The following SGIP1 variants were observed in gnomAD, a reference collection of about 807,000 sequenced individuals.
The protein encoded by SGIP1 is SH3-containing GRB2-like protein 3-interacting protein 1.
Under a neutral mutation model 107.5 loss-of-function variants are expected in SGIP1, and 38 were observed. The observed-to-expected ratio is 0.35, with a 90% CI of 0.27 to 0.46. SGIP1 has a LOEUF of 0.46. SGIP1 is among the 20% of genes least tolerant of loss of function. The pLI is 1.00. For missense variants in SGIP1, 929 were observed against 1,019.5 expected (o/e 0.91, Z 1.21); for synonymous variants, 365 against 366.1 (o/e 1.00, Z 0.03).
intron 1 of SGIP1, among the ~76,000 whole-genome samples, chr1:66,541,282 T>C (rs967053577): frequency 6.6e-6 from 1 of 152,250 alleles, no homozygotes; most frequent in African/African-American, 2.4e-5. Flanking sequence ...TGTCTGCCCA[T>C]GTGGGCATCC....
At chr1:66,547,312 G>T (rs2056587470) in intron 1 of SGIP1, among the ~76,000 whole-genome samples, 1 of 152,010 alleles carries the variant, frequency 6.6e-6, no homozygotes, top group Admixed American at 6.5e-5. Context: ...TTGTTAAACT[G>T]AATAAAAATA....
intron 17 of SGIP1, chr1:66,694,604 A>G: frequency 1.1e-6 from 1 of 887,824 alleles, no homozygotes; most frequent in Non-Finnish European, 1.6e-6. Context: ...CCCTCACCTC[A>G]TGAGTGTCCA....
At position 66,749,948 on chromosome 1, in the gene SGIP1, T is replaced by C. The variant is rs2094601466; in HGVS notation, c.*6853T>C. Among the ~76,000 whole-genome samples the C allele has an allele frequency of 6.6e-6, 1 of 152,174 alleles. No individual in the cohort carries two copies. The highest frequency in any genetic ancestry group is 2.4e-5 in the African/African-American group (1 of 41,538). On this transcript the variant is annotated 3_prime_UTR_variant, in exon 25 of 25. Transcript: ENST00000371037. ...TCAGGTCAGAATTTAGTTCTTGCTTTGTTAAATGGACATACATGAAAGAGA... is the reference window on the plus strand; with the variant it reads ...TCAGGTCAGAATTTAGTTCTTGCTTCGTTAAATGGACATACATGAAAGAGA...
At chr1:66,742,046 G>A (rs1372360790) in intron 24 of SGIP1, among the ~76,000 whole-genome samples, 4 of 152,104 alleles carry the variant, frequency 2.6e-5, no homozygotes, top group Non-Finnish European at 4.4e-5. Context: ...GATTATAGGC[G>A]GTGAGCCACC....
At chr1:66,664,060 T>G (rs1428616338) in intron 8 of SGIP1, among the ~76,000 whole-genome samples, 1 of 152,172 alleles carries the variant, frequency 6.6e-6, no homozygotes, top group African/African-American at 2.4e-5. Flanking sequence ...ATTGCTATAT[T>G]TTAAAAGTGA....
intron 3 of SGIP1, among the ~76,000 whole-genome samples, chr1:66,633,731 C>G (rs1243808668): frequency 6.6e-6 from 1 of 152,016 alleles, no homozygotes; most frequent in Non-Finnish European, 1.5e-5. Context: ...GGAGTCTGCA[C>G]CGACTCCTAA....
intron 21 of SGIP1, among the ~76,000 whole-genome samples, chr1:66,735,277 A>C (rs1199040475): frequency 6.6e-6 from 1 of 152,062 alleles, no homozygotes; most frequent in Non-Finnish European, 1.5e-5. Flanking sequence ...GTGCAGTGGC[A>C]CGATCTCGGC....
At chr1:66,585,586 G>GTGTGTC (rs2148803052) in intron 1 of SGIP1, among the ~76,000 whole-genome samples, 1 of 152,058 alleles carries the variant, frequency 6.6e-6, no homozygotes, top group East Asian at 1.9e-4. Context: ...GTGTGTGTGT[G>GTGTGTC]TGTGTGTTTT....
intron 7 of SGIP1, among the ~76,000 whole-genome samples, chr1:66,652,568 G>A (rs1235039688): frequency 6.6e-6 from 1 of 152,068 alleles, no homozygotes; most frequent in Non-Finnish European, 1.5e-5. Flanking sequence ...ATGAGGAGGG[G>A]GAAATAGCTT....
rs375367130 is a variant in SGIP1, at chr1:66,651,676, A to C, written c.459+7957A>C. 2.6e-4 allele frequency among the ~76,000 whole-genome samples: 39 copies of C among 152,308 alleles called. No individual in the cohort carries two copies. The South Asian group carries it at 8.1e-3, about 32-fold the overall frequency. ...CACATCCACCCATAGAAGACCATCC[A>C]GTCTTCTATGGTACAGCACTTCCTA... is the stretch of plus-strand genomic sequence containing the variant. On this transcript the variant is annotated intron_variant, in intron 7 of 24. Transcript: ENST00000371037.
chr1:66,604,568 C>T (rs987399220), intron 1 of SGIP1, among the ~76,000 whole-genome samples: 4 of 152,152 alleles, frequency 2.6e-5, no homozygotes, highest in Non-Finnish European at 4.4e-5. Flanking sequence ...TGACCAAGTC[C>T]GTTTAACTTT....
chr1:66,557,622 T>A (rs1044635825), intron 1 of SGIP1, among the ~76,000 whole-genome samples: 3 of 152,022 alleles, frequency 2.0e-5, no homozygotes, highest in Non-Finnish European at 4.4e-5. Flanking sequence ...TTGGGATAAA[T>A]GTTTAGGGAG....
intron 1 of SGIP1, among the ~76,000 whole-genome samples, chr1:66,539,237 T>C (rs2054319663): frequency 6.6e-6 from 1 of 152,148 alleles, no homozygotes; most frequent in African/African-American, 2.4e-5. Flanking sequence ...AAAGAGGTCA[T>C]AGGTAGAACA....
At chr1:66,628,659 G>C (rs1345746508) in intron 2 of SGIP1, 1 of 153,124 alleles carries the variant, frequency 6.5e-6, no homozygotes, top group African/African-American at 2.4e-5. Flanking sequence ...TCTCGAGAGA[G>C]AAAAGGTTGA....
Position 66,749,706 on chromosome 1 carries a change from T to A in SGIP1, c.*6611T>A, listed in dbSNP as rs1272485108. 6.6e-6 allele frequency among the ~76,000 whole-genome samples: 1 copy of A among 152,110 alleles called. No homozygotes were observed. The highest frequency in any genetic ancestry group is 1.5e-5 in the Non-Finnish European group (1 of 67,948). On this transcript the variant is annotated 3_prime_UTR_variant, in exon 25 of 25. Coordinates refer to ENST00000371037, the MANE Select transcript of SGIP1 (RefSeq NM_032291.4). ...CCATTGAATGAGTATATCATACAAATGTTAATTCCATCTCGCTCATTCAGT... is the reference window on the plus strand; with the variant it reads ...CCATTGAATGAGTATATCATACAAAAGTTAATTCCATCTCGCTCATTCAGT...
At chr1:66,587,704 G>A (rs1322035319) in intron 1 of SGIP1, among the ~76,000 whole-genome samples, 1 of 152,014 alleles carries the variant, frequency 6.6e-6, no homozygotes, top group Admixed American at 6.6e-5. Flanking sequence ...AAATTCTGGG[G>A]AGTCATCTTT....
At chr1:66,556,420 C>A (rs1406130644) in intron 1 of SGIP1, among the ~76,000 whole-genome samples, 1 of 152,118 alleles carries the variant, frequency 6.6e-6, no homozygotes, top group Admixed American at 6.5e-5. Flanking sequence ...TCACTGCAAG[C>A]CTCTGATCAG....
chr1:66,570,714 C>G (rs1255257923), intron 1 of SGIP1, among the ~76,000 whole-genome samples: 3 of 151,924 alleles, frequency 2.0e-5, no homozygotes, highest in East Asian at 1.9e-4. Context: ...TAGTTCCCTA[C>G]TGTCATGGAG....
At chr1:66,722,033 G>A (rs899899529) in intron 19 of SGIP1, among the ~76,000 whole-genome samples, 1 of 151,966 alleles carries the variant, frequency 6.6e-6, no homozygotes, top group Non-Finnish European at 1.5e-5. Context: ...CCCCGTGGCC[G>A]TGTCTCTGAT....
Sources: gnomAD v4.1 joint callset for allele counts (sites outside exome capture counted in the v4.1 genomes callset) on GRCh38, gnomAD v4.1.1 for gene constraint, MANE v1.5 for transcripts, NCBI Gene and HGNC (gene_info 2026-07-23, HGNC 2026-07-21) for gene names.